Variants in MAP2K5 observed in about 807,000 individuals in gnomAD.
MAP2K5 encodes the protein mitogen-activated protein kinase kinase 5.
Under a neutral mutation model 83.1 loss-of-function variants are expected in MAP2K5, and 49 were observed. That is an observed-to-expected ratio of 0.59 (90% CI 0.47 to 0.75). MAP2K5 has a LOEUF of 0.75. Among genes scored for constraint, MAP2K5 ranks in the 30% least tolerant of loss-of-function variants. The pLI is 0.00. For synonymous variants in MAP2K5, 202 were observed against 191.8 expected (o/e 1.05, Z -0.44); for missense variants, 457 against 557.5 (o/e 0.82, Z 1.82).
chr15:67,648,902 T>G (rs2141123774), intron 11 of MAP2K5, among the ~76,000 whole-genome samples: 1 of 152,328 alleles, frequency 6.6e-6, no homozygotes, highest in East Asian at 1.9e-4. Flanking sequence ...CTTTTGGGTA[T>G]ATACCTAGGA....
chr15:67,545,625 T>A (rs1258552171), intron 1 of MAP2K5, among the ~76,000 whole-genome samples: 1 of 152,214 alleles, frequency 6.6e-6, no homozygotes, highest in African/African-American at 2.4e-5. Context: ...GATTATATTA[T>A]TTGGTTATGT....
At position 67,554,597 on chromosome 15, in the gene MAP2K5, C is replaced by T. The variant is rs548948257; in HGVS notation, c.184+4515C>T. 5.9e-4 allele frequency among the ~76,000 whole-genome samples: 90 copies of T among 152,248 alleles called. 1 individual carries two copies. Among genetic ancestry groups the T allele is most frequent in the African/African-American group, 1.8e-3 (75 of 41,520 alleles). On this transcript the variant is annotated intron_variant, in intron 2 of 21. Transcript: ENST00000178640. The stretch of plus-strand genomic sequence containing the variant: ...AATGGCGTCTCTTCAATGAAACCTC[C>T]GGTGATTCCAGATGGCATTAATCTC...
intron 11 of MAP2K5, among the ~76,000 whole-genome samples, 185 bp downstream of exon 11, chr15:67,646,654 T>C (rs1367317268): frequency 6.6e-6 from 1 of 152,192 alleles, no homozygotes; most frequent in Non-Finnish European, 1.5e-5. Context: ...ATAGCCGAAC[T>C]GTAATTTTAA....
At chr15:67,681,190 AGATATCAGATATCAG>A (rs2087807651) in intron 13 of MAP2K5, among the ~76,000 whole-genome samples, 1 of 152,234 alleles carries the variant, frequency 6.6e-6, no homozygotes, top group African/African-American at 2.4e-5. Context: ...TCAGATATCA[AGATATCAGATATCAG>A]GATATCATAT....
intron 4 of MAP2K5, among the ~76,000 whole-genome samples, chr15:67,584,305 T>C (rs1385234509): frequency 1.3e-5 from 2 of 152,232 alleles, no homozygotes; most frequent in African/African-American, 4.8e-5. Flanking sequence ...AGGCAGATGT[T>C]AAGGTTAGAG....
chr15:67,696,253 A>C (rs554801508), intron 15 of MAP2K5, among the ~76,000 whole-genome samples: 2 of 151,962 alleles, frequency 1.3e-5, no homozygotes, highest in South Asian at 4.2e-4. Flanking sequence ...AATTCAATTT[A>C]CTGGAACAAT....
chr15:67,706,229 C>T (rs1207173351), intron 16 of MAP2K5, among the ~76,000 whole-genome samples: 1 of 152,244 alleles, frequency 6.6e-6, no homozygotes, highest in African/African-American at 2.4e-5. Context: ...AAAAGAGACT[C>T]TTTGTAGTGT....
chr15:67,712,783 T>C (rs528172935), intron 16 of MAP2K5, among the ~76,000 whole-genome samples: 1 of 152,118 alleles, frequency 6.6e-6, no homozygotes, highest in African/African-American at 2.4e-5. Context: ...CTGGGTGTGG[T>C]GGCAGGTGTC....
intron 3 of MAP2K5, among the ~76,000 whole-genome samples, chr15:67,571,986 G>A (rs1175310633): frequency 6.6e-6 from 1 of 152,164 alleles, no homozygotes; most frequent in Non-Finnish European, 1.5e-5. Context: ...TTCAGTGTGG[G>A]AAGACAAGAA....
chr15:67,678,736 C>T (rs890318456), intron 13 of MAP2K5, among the ~76,000 whole-genome samples: 6 of 152,220 alleles, frequency 3.9e-5, no homozygotes, highest in South Asian at 2.1e-4. Flanking sequence ...GAAGCCGAGG[C>T]GGTAGGATCA....
chr15:67,604,775 G>A (rs1435900008), intron 8 of MAP2K5, among the ~76,000 whole-genome samples: 5 of 151,772 alleles, frequency 3.3e-5, no homozygotes, highest in African/African-American at 9.7e-5. Context: ...GGCGCCTGTA[G>A]TCCCAGCTAC....
intron 1 of MAP2K5, among the ~76,000 whole-genome samples, chr15:67,544,812 A>C (rs1331137545): frequency 6.6e-6 from 1 of 152,184 alleles, no homozygotes; most frequent in Non-Finnish European, 1.5e-5. Flanking sequence ...CTTCATTTTG[A>C]GTTCTAGATG....
At position 67,790,339 on chromosome 15, in the gene MAP2K5, C is replaced by T. The variant is rs949621555; in HGVS notation, c.1243-16307C>T. Among the ~76,000 whole-genome samples the T allele has an allele frequency of 2.6e-5, 4 of 152,128 alleles. No individual in the cohort carries two copies. Among genetic ancestry groups the T allele is most frequent in the Non-Finnish European group, 4.4e-5 (3 of 68,028 alleles). ...GTACAGTATAATGTTTTTGGGACTACGGGTTCATTACACTTCTGAGTGTGA... is the reference window on the plus strand; with the variant it reads ...GTACAGTATAATGTTTTTGGGACTATGGGTTCATTACACTTCTGAGTGTGA... On this transcript the variant is annotated intron_variant, in intron 21 of 21. Transcript: ENST00000178640. This position sits in a 1 kb window ranked among gnomAD's most constrained non-coding sequence, Gnocchi z 4.6.
chr15:67,630,292 T>C (rs2086440887), intron 8 of MAP2K5, among the ~76,000 whole-genome samples: 2 of 152,208 alleles, frequency 1.3e-5, no homozygotes, highest in African/African-American at 4.8e-5. Flanking sequence ...GTAATGGTAT[T>C]TCATTTCTGT....
rs1380224099 is a variant in MAP2K5, at chr15:67,724,488, G to A, written c.1045-3428G>A. On this transcript the variant is annotated intron_variant, in intron 16 of 21. Transcript: ENST00000178640. This position sits in a 1 kb window ranked among gnomAD's most constrained non-coding sequence, Gnocchi z 4.4. ...GGCTCACTGCAGTCTCTACCTCCCC[G>A]GGCTCAGGTGATCCTCCCACACTAG... 2.6e-5 allele frequency among the ~76,000 whole-genome samples: 4 copies of A among 151,840 alleles called. No individual in the cohort carries two copies. Among genetic ancestry groups the A allele is most frequent in the African/African-American group, 7.3e-5 (3 of 41,316 alleles).
intron 21 of MAP2K5, among the ~76,000 whole-genome samples, chr15:67,803,629 G>A (rs1001279017): frequency 6.6e-6 from 1 of 152,128 alleles, no homozygotes; most frequent in Non-Finnish European, 1.5e-5. Flanking sequence ...CCTCTAACAT[G>A]GGGGTCATGG....
rs748174976 is a variant in MAP2K5 at position 67,778,821 on chromosome 15, A to G, written c.1242+6069A>G. On this transcript the variant is annotated intron_variant, in intron 21 of 21. Coordinates refer to ENST00000178640, the MANE Select transcript of MAP2K5 (RefSeq NM_145160.3). This position sits in a 1 kb window ranked among gnomAD's most constrained non-coding sequence, Gnocchi z 5.0. ...GCTTACCTGTGCCCTGAGCGCAAAT[A>G]TGAAGAAAGGTGCATTTCCATAGCC... is the stretch of plus-strand genomic sequence containing the variant. 1.3e-5 allele frequency among the ~76,000 whole-genome samples: 2 copies of G among 152,180 alleles called. No homozygotes were observed. Among genetic ancestry groups the G allele is most frequent in the African/African-American group, 2.4e-5 (1 of 41,434 alleles).
intron 8 of MAP2K5, among the ~76,000 whole-genome samples, chr15:67,611,029 A>G (rs2085910447): frequency 6.6e-6 from 1 of 152,246 alleles, no homozygotes; most frequent in Non-Finnish European, 1.5e-5. Flanking sequence ...ATAGCATTTT[A>G]ACAAGCTTAA....
rs982718432 is a variant in MAP2K5 at position 67,783,488 on chromosome 15, T to G, written c.1242+10736T>G. Reference sequence around the variant, plus strand: ...TCCGAAACCCAACTGGCACAACCTCTGTGAAGCTTTGCTAAGCGTGCTTCA... The same window carrying G: ...TCCGAAACCCAACTGGCACAACCTCGGTGAAGCTTTGCTAAGCGTGCTTCA... On this transcript the variant is annotated intron_variant, in intron 21 of 21. Transcript: ENST00000178640. This position sits in a 1 kb window ranked among gnomAD's most constrained non-coding sequence, Gnocchi z 5.1. Among the ~76,000 whole-genome samples the G allele has an allele frequency of 2.0e-5, 3 of 151,698 alleles. No individual in the cohort carries two copies. The highest frequency in any genetic ancestry group is 4.4e-5 in the Non-Finnish European group (3 of 67,738).
Sources: gnomAD v4.1 joint callset for allele counts (sites outside exome capture counted in the v4.1 genomes callset) on GRCh38, gnomAD v4.1.1 for gene constraint, Gnocchi (gnomAD v3.1) non-coding constraint, MANE v1.5 for transcripts, NCBI Gene and HGNC (gene_info 2026-07-23, HGNC 2026-07-21) for gene names.